Variants in CNTNAP2 observed in about 807,000 individuals in gnomAD.
CNTNAP2 encodes the protein contactin associated protein 2.
In CNTNAP2, 98 loss-of-function variants were observed where a neutral mutation model predicts 155.2. The ratio of observed to expected loss-of-function variants is 0.63; its 90% CI spans 0.54 to 0.75. The LOEUF (loss-of-function observed/expected upper bound fraction) is 0.75, where lower values mean the gene tolerates loss of function less well. CNTNAP2 is among the 30% of genes least tolerant of loss of function. The probability of loss-of-function intolerance (pLI) is 0.00; values close to 1 mark genes in which losing one functional copy is unlikely to be tolerated. For synonymous variants in CNTNAP2, 651 were observed against 631.2 expected (o/e 1.03, Z -0.47); for missense variants, 1,727 against 1,688.1 (o/e 1.02, Z -0.40).
intron 21 of CNTNAP2, among the ~76,000 whole-genome samples, chr7:148,292,720 A>T (rs1337841042): frequency 6.6e-6 from 1 of 152,136 alleles, no homozygotes; most frequent in Admixed American, 6.5e-5. Context: ...TCGTGAACCC[A>T]AGGATGCTGC....
intron 1 of CNTNAP2, among the ~76,000 whole-genome samples, chr7:146,770,246 T>G (rs1450754297): frequency 6.6e-6 from 1 of 152,070 alleles, no homozygotes; most frequent in East Asian, 1.9e-4. Context: ...TATCTTTGTA[T>G]GTATGTGTGT....
At position 146,540,350 on chromosome 7, in the gene CNTNAP2, C is replaced by T. The variant is rs779308161; in HGVS notation, c.98-233921C>T. Among the ~76,000 whole-genome samples the T allele has an allele frequency of 8.2e-4, 125 of 151,978 alleles. 1 individual carries two copies. The highest frequency in any genetic ancestry group is 4.1e-3 in the Admixed American group (62 of 15,210). ...AAGTTTAGAGATATCTGCTCCATGTCCCAAACTTCCCAGATAAGGGAGATT... is the reference window on the plus strand; with the variant it reads ...AAGTTTAGAGATATCTGCTCCATGTTCCAAACTTCCCAGATAAGGGAGATT... On this transcript the variant is annotated intron_variant, in intron 1 of 23. Transcript: ENST00000361727.
intron 1 of CNTNAP2, among the ~76,000 whole-genome samples, chr7:146,241,086 C>A (rs1423599411): frequency 1.1e-4 from 17 of 152,116 alleles, no homozygotes. Flanking sequence ...AAGATAGCAC[C>A]AAGCGGGTAA....
At chr7:148,375,239 T>C (rs1351107011) in intron 21 of CNTNAP2, among the ~76,000 whole-genome samples, 2 of 134,410 alleles carry the variant, frequency 1.5e-5, no homozygotes, top group Non-Finnish European at 3.2e-5. Flanking sequence ...TATATATGTA[T>C]GTTATACTAT....
chr7:148,030,593 C>T (rs986351317), intron 15 of CNTNAP2, among the ~76,000 whole-genome samples: 11 of 150,914 alleles, frequency 7.3e-5, no homozygotes, highest in East Asian at 3.9e-4. Flanking sequence ...TTAGTTCTTC[C>T]GGTTCTGGGC....
intron 1 of CNTNAP2, among the ~76,000 whole-genome samples, chr7:146,181,556 A>G (rs1364528472): frequency 6.6e-6 from 1 of 152,120 alleles, no homozygotes; most frequent in African/African-American, 2.4e-5. Flanking sequence ...CATGCCATCC[A>G]ATAACTTTTT....
chr7:148,263,738 A>G (rs1354256595), intron 20 of CNTNAP2, among the ~76,000 whole-genome samples: 1 of 144,844 alleles, frequency 6.9e-6, no homozygotes, highest in African/African-American at 2.6e-5. Flanking sequence ...CTCAGTCCCA[A>G]AAAAAAAAAA....
At chr7:146,797,230 T>C (rs1192351483) in intron 2 of CNTNAP2, among the ~76,000 whole-genome samples, 1 of 152,174 alleles carries the variant, frequency 6.6e-6, no homozygotes, top group South Asian at 2.1e-4. Context: ...TAGTTTTCTG[T>C]TGGGACTACT....
intron 1 of CNTNAP2, among the ~76,000 whole-genome samples, chr7:146,741,140 T>C (rs1215504217): frequency 1.3e-5 from 2 of 151,760 alleles, no homozygotes; most frequent in Non-Finnish European, 2.9e-5. Context: ...GGGAGAGGGG[T>C]GATGTGGGTA....
chr7:147,560,913 T>TA (rs1214829072), intron 11 of CNTNAP2, among the ~76,000 whole-genome samples: 1 of 150,862 alleles, frequency 6.6e-6, no homozygotes, highest in Non-Finnish European at 1.5e-5. Context: ...AGAGGAAGGT[T>TA]AAAAAAGGGA....
In CNTNAP2 at chr7:147,126,055, C is replaced by T. The variant is rs569489466; in HGVS notation, c.940-2638C>T. On this transcript the variant is annotated intron_variant, in intron 6 of 23. Coordinates refer to ENST00000361727, the MANE Select transcript of CNTNAP2 (RefSeq NM_014141.6). ...GAGAGTAAACAAGACTGTGTCCTCC[C>T]CCTCTTAATGACAGTTCTTAGAATC... Among the ~76,000 whole-genome samples the T allele has an allele frequency of 1.1e-4, 17 of 152,298 alleles. 1 individual carries two copies. The South Asian group carries it at 3.1e-3, about 28-fold the overall frequency.
intron 8 of CNTNAP2, among the ~76,000 whole-genome samples, chr7:147,142,498 G>A (rs944429413): frequency 1.4e-4 from 22 of 152,086 alleles, no homozygotes; most frequent in Non-Finnish European, 2.6e-4. Context: ...GAGGATTTTT[G>A]CATCAAAGTT....
At chr7:147,174,533 T>C (rs796583162) in intron 8 of CNTNAP2, among the ~76,000 whole-genome samples, 7 of 152,130 alleles carry the variant, frequency 4.6e-5, no homozygotes, top group Non-Finnish European at 8.8e-5. Context: ...GAAGAAAGGA[T>C]ATATGTAATA....
intron 1 of CNTNAP2, among the ~76,000 whole-genome samples, chr7:146,346,065 T>C (rs1411470651): frequency 1.3e-5 from 2 of 152,170 alleles, no homozygotes; most frequent in East Asian, 1.9e-4. Context: ...GGGGGAAACA[T>C]TAATGCAAGA....
At chr7:146,812,937 T>C (rs1385962915) in intron 2 of CNTNAP2, among the ~76,000 whole-genome samples, 1 of 152,084 alleles carries the variant, frequency 6.6e-6, no homozygotes, top group African/African-American at 2.4e-5. Flanking sequence ...AGGCCATAGC[T>C]TCAGACAGTG....
At chr7:147,072,765 A>G (rs1481707157) in intron 4 of CNTNAP2, among the ~76,000 whole-genome samples, 3 of 152,050 alleles carry the variant, frequency 2.0e-5, no homozygotes, top group Non-Finnish European at 4.4e-5. Context: ...ATTTAAAGAA[A>G]GGATCACACA....
At chr7:147,904,230 T>G (rs1483598729) in intron 14 of CNTNAP2, among the ~76,000 whole-genome samples, 1 of 152,208 alleles carries the variant, frequency 6.6e-6, no homozygotes, top group African/African-American at 2.4e-5. Context: ...TGCTTGCCTG[T>G]CTACTTTTCT....
intron 11 of CNTNAP2, among the ~76,000 whole-genome samples, chr7:147,505,065 C>A (rs1182855431): frequency 6.6e-6 from 1 of 152,080 alleles, no homozygotes; most frequent in Non-Finnish European, 1.5e-5. Flanking sequence ...TACATCCCCA[C>A]ATAGATTTTC....
intron 1 of CNTNAP2, among the ~76,000 whole-genome samples, chr7:146,733,925 A>G (rs540866031): frequency 2.0e-5 from 3 of 152,250 alleles, no homozygotes; most frequent in African/African-American, 7.2e-5. Context: ...TATTCTCTAT[A>G]AAACATAAAC....
Sources: allele counts gnomAD v4.1 joint callset (sites outside exome capture counted in the v4.1 genomes callset), GRCh38; gene constraint gnomAD v4.1.1; transcripts MANE v1.5; gene names NCBI Gene and HGNC (gene_info 2026-07-23, HGNC 2026-07-21).